Variants in ZNF236 observed in about 807,000 individuals in gnomAD.
ZNF236 encodes the protein regulated by glucose.
Under a neutral mutation model 191.2 loss-of-function variants are expected in ZNF236, and 50 were observed. The observed-to-expected ratio is 0.26, with a 90% CI of 0.21 to 0.33. The LOEUF is 0.33. ZNF236 is among the 10% of genes least tolerant of loss of function. The pLI, the probability that ZNF236 is intolerant of heterozygous loss-of-function variation, is 1.00. For missense variants in ZNF236, 1,754 were observed against 2,374.5 expected (o/e 0.74, Z 5.43); for synonymous variants, 907 against 928.8 (o/e 0.98, Z 0.43).
rs533888665 is a variant in ZNF236, at chr18:76,881,619, G to A, written c.1417+107G>A. The A allele has an allele frequency of 2.0e-4, 202 of 999,758 alleles. 7 individuals are homozygous for A. The South Asian group carries it at 2.6e-3, about 13-fold the overall frequency. 61.9% of individuals were successfully genotyped at this position (999,758 alleles called of 1,614,324 possible). ...CTGAAGGTGATAGGATATGTTTGTT[G>A]AATGTTTTGTAGCTAGCTGTAGTTG... On this transcript the variant is annotated intron_variant, in intron 9 of 30. Coordinates refer to ENST00000320610, the MANE Select transcript of ZNF236 (RefSeq NM_001306089.2).
In ZNF236 at chr18:76,920,469, T is replaced by C. The variant is rs62113130; in HGVS notation, c.3557+411T>C. Among the ~76,000 whole-genome samples, 230 of 151,320 alleles carry C rather than the reference T, an allele frequency of 1.5e-3. 2 individuals carry two copies. The highest frequency in any genetic ancestry group is 4.4e-3 in the South Asian group (21 of 4,782). ...GGGAGCCTGAGACAGGAGAATCGCT[T>C]GAACCTGAGAGGTGGAGGTTATGGT... is the stretch of plus-strand genomic sequence containing the variant. On this transcript the variant is annotated intron_variant, in intron 20 of 30. Coordinates refer to ENST00000320610, the MANE Select transcript of ZNF236 (RefSeq NM_001306089.2).
chr18:76,862,944 T>C (rs1042970457), intron 3 of ZNF236, among the ~76,000 whole-genome samples: 4 of 152,210 alleles, frequency 2.6e-5, no homozygotes, highest in Admixed American at 2.0e-4. Context: ...ACAAGTACTT[T>C]AAAGCAGCTG....
intron 25 of ZNF236, among the ~76,000 whole-genome samples, chr18:76,934,279 A>G (rs1967937402): frequency 6.6e-6 from 1 of 152,226 alleles, no homozygotes; most frequent in Non-Finnish European, 1.5e-5. Context: ...TTCGTGATGC[A>G]GGAGTTGAAG....
intron 3 of ZNF236, among the ~76,000 whole-genome samples, chr18:76,864,111 C>G (rs1976327825): frequency 6.6e-6 from 1 of 152,136 alleles, no homozygotes; most frequent in African/African-American, 2.4e-5. Flanking sequence ...TATCAGCTCT[C>G]CTAGGTCTCC....
At chr18:76,957,357 G>A (rs1968548492) in intron 28 of ZNF236, among the ~76,000 whole-genome samples, 1 of 152,150 alleles carries the variant, frequency 6.6e-6, no homozygotes, top group Admixed American at 6.5e-5. Flanking sequence ...CAGCAGTGAC[G>A]GCCCTGTCCG....
At chr18:76,904,347 G>C in intron 11 of ZNF236, 33 bp from the exon 12 acceptor site, 1 of 1,572,906 alleles carries the variant, frequency 6.4e-7, no homozygotes, top group South Asian at 1.2e-5. Flanking sequence ...AGCATTGACA[G>C]TGAATTACAT....
intron 3 of ZNF236, among the ~76,000 whole-genome samples, chr18:76,868,440 C>T (rs976632436): frequency 6.6e-6 from 1 of 152,200 alleles, no homozygotes; most frequent in African/African-American, 2.4e-5. Context: ...TTGTGTCAAT[C>T]TCTCACCCTT....
chr18:76,921,533 C>T (rs1014850716), intron 20 of ZNF236, among the ~76,000 whole-genome samples: 1 of 152,044 alleles, frequency 6.6e-6, no homozygotes, highest in Non-Finnish European at 1.5e-5. Context: ...AGATAGTTTT[C>T]CAGTAGGGGT....
chr18:76,861,745 C>T lies in ZNF236; in HGVS notation c.364-6940C>T, dbSNP rs1412163844. Among the ~76,000 whole-genome samples the T allele has an allele frequency of 3.9e-5, 6 of 152,268 alleles. No homozygotes were observed. In the East Asian group the frequency reaches 5.8e-4, roughly 15 times the overall value. On this transcript the variant is annotated intron_variant, in intron 3 of 30. Coordinates refer to ENST00000320610, the MANE Select transcript of ZNF236 (RefSeq NM_001306089.2). Reference sequence around the variant, plus strand: ...CAGCTTCCTTCTCCTAGGGGTCCCCCGTATCACTATTGTTAGAGATAACCA... The same window carrying T: ...CAGCTTCCTTCTCCTAGGGGTCCCCTGTATCACTATTGTTAGAGATAACCA...
chr18:76,892,819 G>A (rs967733954), intron 9 of ZNF236, among the ~76,000 whole-genome samples: 7 of 152,096 alleles, frequency 4.6e-5, no homozygotes, highest in East Asian at 3.9e-4. Context: ...CGCCCGCCTC[G>A]GCCTCCCAAA....
chr18:76,957,148 T>TG (rs150297762), intron 28 of ZNF236, among the ~76,000 whole-genome samples: 9,742 of 151,128 alleles, frequency 0.064, 1,021 homozygotes, highest in African/African-American at 0.22. Flanking sequence ...CTGTGTATGT[T>TG]GGGGGGGTGG....
At chr18:76,961,234 C>T (rs1968659730) in intron 30 of ZNF236, among the ~76,000 whole-genome samples, 1 of 152,094 alleles carries the variant, frequency 6.6e-6, no homozygotes, top group Non-Finnish European at 1.5e-5. Flanking sequence ...TTAGCTCCCA[C>T]TTATGAGTGA....
At chr18:76,902,438 A>G (rs773002456) in intron 11 of ZNF236, among the ~76,000 whole-genome samples, 7 of 152,194 alleles carry the variant, frequency 4.6e-5, no homozygotes, top group African/African-American at 1.7e-4. Flanking sequence ...ACCGAGAGCA[A>G]TGTGGAAGAG....
intron 10 of ZNF236, among the ~76,000 whole-genome samples, chr18:76,897,655 C>T (rs1271434620): frequency 6.6e-6 from 1 of 151,974 alleles, no homozygotes; most frequent in Non-Finnish European, 1.5e-5. Context: ...ATAGGCACTG[C>T]CCATAGTACC....
chr18:76,939,337 A>C (rs1968074198), intron 26 of ZNF236, among the ~76,000 whole-genome samples: 1 of 152,162 alleles, frequency 6.6e-6, no homozygotes, highest in Non-Finnish European at 1.5e-5. Flanking sequence ...CATCTCAAAA[A>C]CAAAAACAAA....
chr18:76,829,121 A>G (rs1975091457), intron 1 of ZNF236, among the ~76,000 whole-genome samples: 1 of 152,230 alleles, frequency 6.6e-6, no homozygotes, highest in African/African-American at 2.4e-5. Flanking sequence ...AGATAAAGTC[A>G]ATTCCACACT....
chr18:76,926,211 G>A (rs1967672497), intron 22 of ZNF236, among the ~76,000 whole-genome samples: 1 of 151,936 alleles, frequency 6.6e-6, no homozygotes, highest in Non-Finnish European at 1.5e-5. Context: ...CAGTGTGTGT[G>A]TATGGTATAA....
intron 1 of ZNF236, among the ~76,000 whole-genome samples, chr18:76,823,583 C>A (rs1003875138): frequency 6.6e-6 from 1 of 152,210 alleles, no homozygotes; most frequent in African/African-American, 2.4e-5. Context: ...GTAATTTATT[C>A]TCCATGGTAC....
chr18:76,903,363 G>A (rs1977654772), intron 11 of ZNF236, among the ~76,000 whole-genome samples: 1 of 152,244 alleles, frequency 6.6e-6, no homozygotes, highest in Non-Finnish European at 1.5e-5. Flanking sequence ...CAGCCTTAGG[G>A]ACCAGAAGAC....
Sources: allele counts gnomAD v4.1 joint callset (sites outside exome capture counted in the v4.1 genomes callset), GRCh38; gene constraint gnomAD v4.1.1; transcripts MANE v1.5; gene names NCBI Gene and HGNC (gene_info 2026-07-23, HGNC 2026-07-21).